Variants in SCOC observed in about 807,000 individuals in gnomAD.
The protein encoded by SCOC is short coiled-coil protein, also known as short coiled coil protein.
SCOC carries 7 observed loss-of-function variants against 9.9 expected under a neutral mutation model. That is an observed-to-expected ratio of 0.71 (90% CI 0.40 to 1.33). The LOEUF (loss-of-function observed/expected upper bound fraction) is 1.33. Among genes scored for constraint, SCOC ranks in the 40% most tolerant of loss-of-function variants. The pLI, the probability that SCOC is intolerant of heterozygous loss-of-function variation, is 0.01. For missense variants in SCOC, 66 were observed against 89.7 expected (o/e 0.74, Z 1.07); for synonymous variants, 19 against 28.2 (o/e 0.67, Z 1.03).
At chr4:140,311,223 C>T (rs77788325) in intron 1 of SCOC, among the ~76,000 whole-genome samples, 12,091 of 152,122 alleles carry the variant, frequency 0.079, 568 homozygotes, top group African/African-American at 0.14. Flanking sequence ...GCAACAGACC[C>T]CTATCTCTTA....
intron 1 of SCOC, chr4:140,293,235 C>A (rs1227168601): frequency 2.2e-6 from 1 of 446,490 alleles, no homozygotes; most frequent in Admixed American, 2.4e-5. Context: ...CCACTAGGTG[C>A]CAGGGAATAA....
In SCOC at chr4:140,379,548, AT is replaced by A; in HGVS notation, c.23-18del. The A allele has an allele frequency of 6.3e-7, 1 of 1,575,384 alleles. No homozygotes were observed. Among genetic ancestry groups the A allele is most frequent in the South Asian group, 1.1e-5 (1 of 89,310 alleles). On this transcript the variant is annotated intron_variant, in intron 2 of 3. Transcript: ENST00000608372. ...TGTACCTAATGCTAATTAATAGTAAATTTGAACCTTTATATTACAGCAGTTG... is the reference window on the plus strand; with the variant it reads ...TGTACCTAATGCTAATTAATAGTAAATTGAACCTTTATATTACAGCAGTTG...
chr4:140,335,619 G>A (rs759250800), intron 1 of SCOC, among the ~76,000 whole-genome samples: 1 of 152,094 alleles, frequency 6.6e-6, no homozygotes, highest in African/African-American at 2.4e-5. Flanking sequence ...GTTTCTCTCC[G>A]GGAATCTCCT....
upstream of SCOC, among the ~76,000 whole-genome samples, chr4:140,340,323 A>C (rs1383177095): frequency 6.6e-6 from 1 of 152,064 alleles, no homozygotes; most frequent in Non-Finnish European, 1.5e-5. Context: ...TGGGGGAGGA[A>C]TAGCATTAGG....
chr4:140,361,136 C>G (rs1727446896), intron 2 of SCOC, among the ~76,000 whole-genome samples: 1 of 152,006 alleles, frequency 6.6e-6, no homozygotes, highest in Admixed American at 6.5e-5. Context: ...CAACTTCTCT[C>G]AGATTTTCTT....
chr4:140,285,788 G>A (rs920614553), intron 1 of SCOC, among the ~76,000 whole-genome samples: 2 of 152,204 alleles, frequency 1.3e-5, no homozygotes, highest in Non-Finnish European at 2.9e-5. Flanking sequence ...AAGAGCAACA[G>A]ATGGTTGGAA....
intron 1 of SCOC, among the ~76,000 whole-genome samples, chr4:140,272,384 T>G (rs1363579967): frequency 6.6e-6 from 1 of 152,142 alleles, no homozygotes; most frequent in Non-Finnish European, 1.5e-5. Context: ...TTTAGTAGGG[T>G]CCAGATCACC....
At chr4:140,287,915 C>T (rs933772072) in intron 1 of SCOC, among the ~76,000 whole-genome samples, 17 of 152,120 alleles carry the variant, frequency 1.1e-4, no homozygotes, top group Non-Finnish European at 1.9e-4. Flanking sequence ...CATATGTGCA[C>T]ATACTACCTG....
chr4:140,268,289 A>G (rs1423422730), intron 1 of SCOC, among the ~76,000 whole-genome samples: 1 of 152,336 alleles, frequency 6.6e-6, no homozygotes, highest in Non-Finnish European at 1.5e-5. Flanking sequence ...AGAACAGAGA[A>G]TAAGGGAGTG....
chr4:140,273,275 G>C (rs899025372), intron 1 of SCOC, among the ~76,000 whole-genome samples: 2 of 151,990 alleles, frequency 1.3e-5, no homozygotes, highest in Admixed American at 6.6e-5. Context: ...TGTGTAATCA[G>C]GTTTTATAAA....
intron 1 of SCOC, among the ~76,000 whole-genome samples, chr4:140,277,833 G>A (rs114737570): frequency 1.3e-5 from 2 of 152,254 alleles, no homozygotes; most frequent in East Asian, 3.9e-4. Flanking sequence ...GAATTATCCT[G>A]GATGTAACTT....
chr4:140,328,666 G>A (rs1168177240), intron 1 of SCOC, among the ~76,000 whole-genome samples: 1 of 152,124 alleles, frequency 6.6e-6, no homozygotes, highest in African/African-American at 2.4e-5. Flanking sequence ...TACATATTAC[G>A]TATCTGTACT....
intron 1 of SCOC, among the ~76,000 whole-genome samples, chr4:140,324,496 T>G (rs1254553217): frequency 2.6e-5 from 4 of 152,060 alleles, no homozygotes; most frequent in Non-Finnish European, 4.4e-5. Flanking sequence ...CATAAGTACA[T>G]TTAAAAAGGT....
intron 3 of SCOC, among the ~76,000 whole-genome samples, chr4:140,380,259 G>A (rs867727901): frequency 6.9e-5 from 10 of 144,422 alleles, no homozygotes; most frequent in African/African-American, 2.3e-4. Context: ...GTGCAATGGC[G>A]CAACCTCGGC....
intron 1 of SCOC, among the ~76,000 whole-genome samples, chr4:140,277,082 A>T (rs897888729): frequency 2.6e-5 from 4 of 152,214 alleles, no homozygotes; most frequent in Non-Finnish European, 4.4e-5. Context: ...AATTTAATTT[A>T]AAAAAATTAT....
At chr4:140,320,335 A>G (rs1318636416) in intron 1 of SCOC, among the ~76,000 whole-genome samples, 1 of 152,230 alleles carries the variant, frequency 6.6e-6, no homozygotes, top group East Asian at 1.9e-4. Flanking sequence ...TTAGCATATC[A>G]TCAAGAACCA....
At chr4:140,304,013 T>A (rs1306896321) in intron 1 of SCOC, among the ~76,000 whole-genome samples, 2 of 152,214 alleles carry the variant, frequency 1.3e-5, no homozygotes, top group African/African-American at 4.8e-5. Context: ...ACATGCTGCA[T>A]ACCCTAAACG....
chr4:140,368,819 T>C (rs1727918810), upstream of SCOC, among the ~76,000 whole-genome samples: 2 of 152,168 alleles, frequency 1.3e-5, no homozygotes, highest in Non-Finnish European at 2.9e-5. Flanking sequence ...TATGGAGATA[T>C]TTAACCTTTT....
rs78704846 is a variant in SCOC, at chr4:140,296,441, C to T, written c.-19+39031C>T. On this transcript the variant is annotated intron_variant, in intron 1 of 4. Coordinates refer to the SCOC transcript ENST00000394205. ...AACCGTGCAAAACAAATACAGTTCC[C>T]CAGGGGCGCCGTGCATGATTTATTT... Among the ~76,000 whole-genome samples the T allele has an allele frequency of 2.9e-3, 443 of 152,212 alleles. 2 individuals are homozygous for T. Among genetic ancestry groups the T allele is most frequent in the African/African-American group, 0.01 (417 of 41,540 alleles).
Sources: gnomAD v4.1 joint callset for allele counts (sites outside exome capture counted in the v4.1 genomes callset) on GRCh38, gnomAD v4.1.1 for gene constraint, MANE v1.5 for transcripts, NCBI Gene and HGNC (gene_info 2026-07-23, HGNC 2026-07-21) for gene names.